ERICH5: variants seen among roughly 807,000 people sequenced by gnomAD.
ERICH5 encodes glutamate rich 5, also known as glutamate-rich protein 5.
In ERICH5, 24 loss-of-function variants were observed where a neutral mutation model predicts 28.0. The observed-to-expected ratio is 0.86, with a 90% CI of 0.62 to 1.21. ERICH5 has a LOEUF of 1.21. Among genes scored for constraint, ERICH5 ranks in the 50% most tolerant of loss-of-function variants. ERICH5 has a pLI of 0.00. For missense variants in ERICH5, 421 were observed against 441.2 expected (o/e 0.95, Z 0.41); for synonymous variants, 163 against 157.6 (o/e 1.03, Z -0.25).
At position 98,083,353 on chromosome 8, in the gene ERICH5, G is replaced by A. The variant is rs568282703; in HGVS notation, c.59-5723G>A. ...ATATCTAAATGCATTGTTTTCTCAG[G>A]ATGAATTTCTTTTTAGACCTGAAAA... is the stretch of plus-strand genomic sequence containing the variant. On this transcript the variant is annotated intron_variant, in intron 1 of 2. Transcript: ENST00000318528. 1.6e-3 allele frequency among the ~76,000 whole-genome samples: 243 copies of A among 152,210 alleles called. 1 individual carries two copies. The highest frequency in any genetic ancestry group is 5.7e-3 in the African/African-American group (238 of 41,516).
intron 1 of ERICH5, among the ~76,000 whole-genome samples, chr8:98,085,445 G>GGA (rs1463458306): frequency 3.9e-5 from 6 of 152,048 alleles, no homozygotes; most frequent in Non-Finnish European, 8.8e-5. Flanking sequence ...TTACAGGCGT[G>GGA]AGCCACCGCT....
chr8:98,076,221 T>G (rs1415226566), intron 1 of ERICH5, among the ~76,000 whole-genome samples: 1 of 151,948 alleles, frequency 6.6e-6, no homozygotes, highest in Non-Finnish European at 1.5e-5. Context: ...GCTCAGATAA[T>G]TTTTGTATTT....
At chr8:98,067,850 C>T (rs1177224408) in intron 1 of ERICH5, among the ~76,000 whole-genome samples, 2 of 151,942 alleles carry the variant, frequency 1.3e-5, no homozygotes, top group Non-Finnish European at 2.9e-5. Flanking sequence ...GTGATCCACC[C>T]GCCTCAGCCT....
intron 1 of ERICH5, among the ~76,000 whole-genome samples, chr8:98,070,660 CAAAAAAAAA>C (rs769042472): frequency 2.1e-4 from 8 of 38,758 alleles, no homozygotes; most frequent in African/African-American, 7.2e-4. Context: ...AACTGCATCT[CAAAAAAAAA>C]AAAAAAAAAA....
chr8:98,090,105 G>A, intron 2 of ERICH5, 76 bp downstream of exon 2: 1 of 1,092,320 alleles, frequency 9.2e-7, no homozygotes, highest in Non-Finnish European at 1.3e-6. Flanking sequence ...GGGATGGGGT[G>A]ACTGACACAC....
intron 2 of ERICH5, among the ~76,000 whole-genome samples, chr8:98,091,896 C>CT (rs1215693838): frequency 0.059 from 3,015 of 50,812 alleles, 80 homozygotes; most frequent in East Asian, 0.12. Context: ...TTCTTTCTTT[C>CT]TTTCCTTTCT....
chr8:98,073,506 A>C (rs1416558691), intron 1 of ERICH5, among the ~76,000 whole-genome samples: 377 of 4,600 alleles, frequency 0.082, 102 homozygotes, highest in African/African-American at 0.16. Flanking sequence ...ATATATATAT[A>C]TATATATATG....
chr8:98,088,952 AT>A (rs1815329701), intron 1 of ERICH5, 123 bp from the exon 2 acceptor site: 2 of 691,088 alleles, frequency 2.9e-6, no homozygotes, highest in Admixed American at 2.9e-5. Flanking sequence ...CTGTACTCAG[AT>A]ATATTTGGAA....
At chr8:98,092,569 C>T (rs749929324) in intron 2 of ERICH5, among the ~76,000 whole-genome samples, 3 of 152,062 alleles carry the variant, frequency 2.0e-5, no homozygotes, top group Non-Finnish European at 4.4e-5. Context: ...CTTGCCAAAG[C>T]ATTGGGATTA....
intron 1 of ERICH5, among the ~76,000 whole-genome samples, chr8:98,067,615 G>A (rs1399127281): frequency 2.0e-5 from 3 of 151,492 alleles, no homozygotes; most frequent in Admixed American, 6.6e-5. Context: ...ATTATACTAT[G>A]TATCTTTTTT....
chr8:98,070,381 G>A (rs1814890944), intron 1 of ERICH5, among the ~76,000 whole-genome samples: 1 of 151,496 alleles, frequency 6.6e-6, no homozygotes, highest in Admixed American at 6.6e-5. Context: ...AAGAGGCCGG[G>A]CGCAGTGGCT....
intron 1 of ERICH5, among the ~76,000 whole-genome samples, chr8:98,088,634 C>T (rs945905213): frequency 6.6e-6 from 1 of 152,254 alleles, no homozygotes; most frequent in Middle Eastern, 3.4e-3. Context: ...CCAAGGACCT[C>T]GCATCATGAA....
chr8:98,089,075 G>T lies in ERICH5; in HGVS notation c.59-1G>T, dbSNP rs1563758280. The T allele has an allele frequency of 6.3e-7, 1 of 1,586,014 alleles. No homozygotes were observed. The highest frequency in any genetic ancestry group is 1.9e-5 in the Admixed American group (1 of 53,444). On this transcript the variant is annotated splice_acceptor_variant, in intron 1 of 2. Transcript: ENST00000318528. LOFTEE classifies it high-confidence loss of function. ...TTTCTTTTTCAAATGAATAACCAAA[G>T]TAACTTCAAATGAGCATTTTTCAAC... is the stretch of plus-strand genomic sequence containing the variant.
In ERICH5 at chr8:98,089,718, G is replaced by T. The variant is rs765352544; in HGVS notation, c.701G>T (p.Ser234Ile). Residue 234 changes from serine to isoleucine, a missense_variant, in exon 2 of 3, where the codon AGT (serine) becomes ATT (isoleucine). Transcript: ENST00000318528. ...ENESPEILEG[S>I]QFVETAEEQQ... ...GAATCTCCAGAAATATTGGAAGGAA[G>T]TCAGTTTGTGGAAACAGCTGAAGAG... is the stretch of plus-strand genomic sequence containing the variant. The T allele has an allele frequency of 3.7e-6, 6 of 1,614,024 alleles. No individual in the cohort carries two copies. The East Asian group carries it at 1.3e-4, about 36-fold the overall frequency.
Position 98,064,627 on chromosome 8 carries a change from C to T in ERICH5, c.-43C>T, listed in dbSNP as rs1563751164. On this transcript the variant is annotated 5_prime_UTR_variant, in exon 1 of 3. Transcript: ENST00000318528. ...TTGCCTTCGGTTCCCGGTTCCGGGC[C>T]GACACCCGCGCAGGGCTGAGACAGG... 3 of 1,464,420 alleles carry T rather than the reference C, an allele frequency of 2.0e-6. No individual in the cohort carries two copies. The South Asian group carries it at 3.9e-5, about 19-fold the overall frequency. The allele number at this position is 1,464,420 out of a possible 1,614,324, so 90.7% of individuals were successfully genotyped here.
intron 1 of ERICH5, among the ~76,000 whole-genome samples, chr8:98,071,102 A>G (rs575099491): frequency 6.6e-6 from 1 of 152,196 alleles, no homozygotes; most frequent in Admixed American, 6.5e-5. Flanking sequence ...CGTCTCTACT[A>G]AAAATACAAA....
At chr8:98,090,822 G>A (rs1294822289) in intron 2 of ERICH5, among the ~76,000 whole-genome samples, 2 of 152,018 alleles carry the variant, frequency 1.3e-5, no homozygotes, top group African/African-American at 4.8e-5. Context: ...TTCTTCTGGG[G>A]TATGATTTAC....
intron 1 of ERICH5, 21 bp downstream of exon 1, chr8:98,064,748 G>T (rs992928741): frequency 7.9e-6 from 12 of 1,521,704 alleles, no homozygotes; most frequent in Non-Finnish European, 1.1e-5. Context: ...TACCGGCGCC[G>T]CCCGCGCCCG....
intron 1 of ERICH5, among the ~76,000 whole-genome samples, chr8:98,077,164 T>C (rs1240694741): frequency 6.6e-6 from 1 of 152,166 alleles, no homozygotes; most frequent in African/African-American, 2.4e-5. Context: ...AGTCCCCCTA[T>C]GGAGTTGTTG....
Sources: allele counts gnomAD v4.1 joint callset (sites outside exome capture counted in the v4.1 genomes callset), GRCh38; gene constraint gnomAD v4.1.1; transcripts MANE v1.5; gene names NCBI Gene and HGNC (gene_info 2026-07-23, HGNC 2026-07-21).